Variants in FOXP1 observed in about 807,000 individuals in gnomAD.
FOXP1 encodes forkhead box P1.
In FOXP1, 15 loss-of-function variants were observed where a neutral mutation model predicts 98.2. The ratio of observed to expected loss-of-function variants is 0.15; its 90% CI spans 0.10 to 0.24. The LOEUF is 0.24. Ranked by LOEUF, FOXP1 falls within the 10% of genes least tolerant of loss-of-function variation. The pLI is 1.00. For missense variants in FOXP1, 633 were observed against 848.5 expected (o/e 0.75, Z 3.15); for synonymous variants, 371 against 314.5 (o/e 1.18, Z -1.90).
At chr3:71,087,345 T>C (rs1465814158) in intron 7 of FOXP1, among the ~76,000 whole-genome samples, 1 of 152,224 alleles carries the variant, frequency 6.6e-6, no homozygotes, top group East Asian at 1.9e-4. Flanking sequence ...AATCCAATGT[T>C]AATTGATCAA....
chr3:71,018,612 T>C (rs958862504), intron 11 of FOXP1, among the ~76,000 whole-genome samples: 1 of 152,228 alleles, frequency 6.6e-6, no homozygotes, highest in Non-Finnish European at 1.5e-5. Flanking sequence ...ATTTAATATA[T>C]AACTGGATAC....
At chr3:71,306,294 C>T (rs929903116) in intron 4 of FOXP1, among the ~76,000 whole-genome samples, 1 of 151,872 alleles carries the variant, frequency 6.6e-6, no homozygotes, top group Non-Finnish European at 1.5e-5. Context: ...AGAACTCACT[C>T]GTGGGGCGGG....
chr3:71,226,804 C>T (rs534130375), intron 5 of FOXP1, among the ~76,000 whole-genome samples: 1 of 152,108 alleles, frequency 6.6e-6, no homozygotes, highest in Non-Finnish European at 1.5e-5. Context: ...CACGCACTAC[C>T]TTGCTCGTTC....
intron 5 of FOXP1, among the ~76,000 whole-genome samples, chr3:71,264,336 C>T (rs1351649782): frequency 6.6e-6 from 1 of 152,070 alleles, no homozygotes; most frequent in Non-Finnish European, 1.5e-5. Context: ...TAAACAAAAG[C>T]GATGTTTTTC....
chr3:71,310,548 G>A (rs1313510119), intron 4 of FOXP1, among the ~76,000 whole-genome samples: 1 of 152,232 alleles, frequency 6.6e-6, no homozygotes, highest in African/African-American at 2.4e-5. Flanking sequence ...AGGTCTGCCA[G>A]GCAGAGGGCC....
rs530135513 is a variant in FOXP1, at chr3:71,085,324, T to C, written c.282+27212A>G. Reference sequence around the variant, plus strand: ...CATTCAGCTAATTTAAAAAAAAATTTTTTTTTGTAGAGATAGGGTCTCCCT... The same window carrying C: ...CATTCAGCTAATTTAAAAAAAAATTCTTTTTTGTAGAGATAGGGTCTCCCT... On this transcript the variant is annotated intron_variant, in intron 7 of 20. Coordinates refer to ENST00000649528, the MANE Select transcript of FOXP1 (RefSeq NM_001349338.3). 6.4e-4 allele frequency among the ~76,000 whole-genome samples: 97 copies of C among 152,180 alleles called. 3 individuals are homozygous for C. The South Asian group carries it at 0.02, about 31-fold the overall frequency.
intron 12 of FOXP1, among the ~76,000 whole-genome samples, chr3:71,009,399 A>G (rs979096991): frequency 6.6e-6 from 1 of 152,122 alleles, no homozygotes; most frequent in African/African-American, 2.4e-5. Flanking sequence ...CCCCAATGGC[A>G]GAGCTAAGTC....
chr3:71,330,171 C>A (rs1398679950), intron 4 of FOXP1, among the ~76,000 whole-genome samples: 1 of 152,164 alleles, frequency 6.6e-6, no homozygotes, highest in African/African-American at 2.4e-5. Context: ...GACATAAAAC[C>A]AGCATAAAAT....
chr3:71,361,761 A>G (rs1248434334), intron 3 of FOXP1, among the ~76,000 whole-genome samples: 1 of 152,216 alleles, frequency 6.6e-6, no homozygotes, highest in Non-Finnish European at 1.5e-5. Flanking sequence ...AATTATTCAG[A>G]CAGCGACATT....
chr3:71,001,789 A>G, intron 12 of FOXP1, among the ~76,000 whole-genome samples: 1 of 152,218 alleles, frequency 6.6e-6, no homozygotes, highest in East Asian at 1.9e-4. Context: ...AATCAGTTTT[A>G]GCATACGCAG....
chr3:70,977,628 G>A lies in FOXP1; in HGVS notation c.1428+15C>T, dbSNP rs774978077. 4.4e-5 allele frequency: 70 copies of A among 1,581,818 alleles called. No individual in the cohort carries two copies. The highest frequency in any genetic ancestry group is 5.6e-5 in the Non-Finnish European group (64 of 1,151,414). On this transcript the variant is annotated intron_variant, in intron 16 of 20. Coordinates refer to ENST00000649528, the MANE Select transcript of FOXP1 (RefSeq NM_001349338.3). ...ACCTTCTGACAGAATTTCATATACT[G>A]TGTTATTTACTTACCTGCCTAATTA...
rs2061928239 is a variant in FOXP1, at chr3:71,176,175, A to G, written c.180+22027T>C. ...ATAATCCTAAGAAAACACAGAAGGT[A>G]TTTCCCTCATCCTGTCAGTGTGTGA... On this transcript the variant is annotated intron_variant, in intron 6 of 20. Transcript: ENST00000649528. 2.0e-5 allele frequency among the ~76,000 whole-genome samples: 3 copies of G among 152,186 alleles called. No homozygotes were observed. The South Asian group carries it at 6.2e-4, about 31-fold the overall frequency.
chr3:71,033,931 C>T (rs1328033199), intron 11 of FOXP1, among the ~76,000 whole-genome samples: 5 of 152,132 alleles, frequency 3.3e-5, no homozygotes, highest in African/African-American at 1.2e-4. Context: ...AGTAGGTTAC[C>T]TCCCCGACAG....
At chr3:71,438,451 C>T (rs887973593) in intron 3 of FOXP1, among the ~76,000 whole-genome samples, 2 of 152,150 alleles carry the variant, frequency 1.3e-5, no homozygotes, top group Non-Finnish European at 2.9e-5. Context: ...TCCATTATCT[C>T]GGCTGACTCT....
chr3:71,177,018 G>A (rs368877229), intron 6 of FOXP1, among the ~76,000 whole-genome samples: 26 of 151,408 alleles, frequency 1.7e-4, no homozygotes, highest in African/African-American at 6.1e-4. Flanking sequence ...AGCCGAGATC[G>A]TGCCACTGCA....
At chr3:71,153,493 A>G (rs1576069449) in intron 6 of FOXP1, among the ~76,000 whole-genome samples, 1 of 142,472 alleles carries the variant, frequency 7.0e-6, no homozygotes, top group Non-Finnish European at 1.5e-5. Context: ...GGCTGCCCCC[A>G]CTGCCCCCCG....
intron 7 of FOXP1, among the ~76,000 whole-genome samples, chr3:71,064,226 T>A (rs2052017918): frequency 6.6e-6 from 1 of 152,168 alleles, no homozygotes. Flanking sequence ...ACTCGTCGAA[T>A]TTGAACAGCT....
intron 5 of FOXP1, among the ~76,000 whole-genome samples, chr3:71,267,291 T>C (rs1173099732): frequency 6.6e-6 from 1 of 152,146 alleles, no homozygotes; most frequent in Non-Finnish European, 1.5e-5. Flanking sequence ...CACTTTTGAG[T>C]GGTCCTTTTT....
intron 5 of FOXP1, among the ~76,000 whole-genome samples, chr3:71,242,529 C>A (rs931698287): frequency 6.6e-6 from 1 of 152,134 alleles, no homozygotes; most frequent in South Asian, 2.1e-4. Flanking sequence ...ATATGTGAAA[C>A]CAGACACTAA....
Sources: allele counts gnomAD v4.1 joint callset (sites outside exome capture counted in the v4.1 genomes callset), GRCh38; gene constraint gnomAD v4.1.1; transcripts MANE v1.5; gene names NCBI Gene and HGNC (gene_info 2026-07-23, HGNC 2026-07-21).